The following ENTREP2 variants were observed in gnomAD, a reference collection of about 807,000 sequenced individuals.
ENTREP2 encodes the protein endosomal transmembrane epsin interactor 2, also known as protein ENTREP2.
the ENTREP2 span, among the ~76,000 whole-genome samples, chr15:29,495,350 C>A: frequency 2.6e-5 from 4 of 152,078 alleles, no homozygotes; most frequent in African/African-American, 9.7e-5. Context: ...TGTGAGTTGC[C>A]TTTACATTTC....
chr15:29,642,284 A>C, the ENTREP2 span, among the ~76,000 whole-genome samples: 1 of 152,036 alleles, frequency 6.6e-6, no homozygotes, highest in Non-Finnish European at 1.5e-5. Flanking sequence ...TGGCATAAGG[A>C]TAGATATATA....
chr15:29,627,052 T>C, the ENTREP2 span, among the ~76,000 whole-genome samples: 2 of 152,168 alleles, frequency 1.3e-5, no homozygotes, highest in African/African-American at 4.8e-5. Context: ...GGTGCTTAAT[T>C]TTTGACCTTA....
chr15:29,674,202 G>GC, the ENTREP2 span, among the ~76,000 whole-genome samples: 11 of 140,642 alleles, frequency 7.8e-5, no homozygotes, highest in East Asian at 2.3e-3. Flanking sequence ...TCAACTCCTC[G>GC]CTACCCCAGC....
the ENTREP2 span, among the ~76,000 whole-genome samples, chr15:29,347,504 T>G: frequency 2.6e-5 from 4 of 152,116 alleles, no homozygotes; most frequent in African/African-American, 9.7e-5. Flanking sequence ...TTTCATCTCT[T>G]TTCACTATTT....
chr15:29,306,482 C>A, the ENTREP2 span, among the ~76,000 whole-genome samples: 2 of 152,022 alleles, frequency 1.3e-5, no homozygotes, highest in Non-Finnish European at 2.9e-5. Flanking sequence ...TTATATGTAA[C>A]AAGTTTAGGA....
At chr15:29,447,653 A>ATTTT in the ENTREP2 span, among the ~76,000 whole-genome samples, 14 of 141,200 alleles carry the variant, frequency 9.9e-5, no homozygotes, top group South Asian at 2.3e-4. Context: ...GACCTGGCTG[A>ATTTT]TTTTTTTTTT....
chr15:29,381,378 C>A, the ENTREP2 span, among the ~76,000 whole-genome samples: 3 of 146,566 alleles, frequency 2.0e-5, no homozygotes, highest in African/African-American at 7.7e-5. Flanking sequence ...ATCATTTGAA[C>A]CTGGGAGGCA....
the ENTREP2 span, among the ~76,000 whole-genome samples, chr15:29,464,225 T>C: frequency 1.3e-5 from 2 of 150,126 alleles, no homozygotes; most frequent in Admixed American, 6.6e-5. Context: ...TTCACCATGA[T>C]ACTAAAAAAA....
the ENTREP2 span, among the ~76,000 whole-genome samples, chr15:29,613,076 T>C: frequency 7.9e-5 from 12 of 152,284 alleles, no homozygotes; most frequent in East Asian, 1.9e-4. Context: ...GAAGAGATAA[T>C]TGTCCATGCC....
At chr15:29,183,333 C>T in the ENTREP2 span, among the ~76,000 whole-genome samples, 1 of 152,170 alleles carries the variant, frequency 6.6e-6, no homozygotes, top group Non-Finnish European at 1.5e-5. Flanking sequence ...AGCAAGGCTG[C>T]CTTTTCCACT....
chr15:29,295,520 T>C, the ENTREP2 span, among the ~76,000 whole-genome samples: 1 of 152,232 alleles, frequency 6.6e-6, no homozygotes, highest in Non-Finnish European at 1.5e-5. Context: ...CTGCAGATGG[T>C]ACCAAACCCT....
At chr15:29,476,386 T>C in the ENTREP2 span, among the ~76,000 whole-genome samples, 1 of 152,204 alleles carries the variant, frequency 6.6e-6, no homozygotes, top group Admixed American at 6.5e-5. Context: ...TGACCCTTCA[T>C]TATTTTTAGG....
chr15:29,429,362 C>G, the ENTREP2 span, among the ~76,000 whole-genome samples: 1 of 152,194 alleles, frequency 6.6e-6, no homozygotes, highest in Non-Finnish European at 1.5e-5. Flanking sequence ...GCTGGGACCA[C>G]AGGCACACGC....
At chr15:29,231,829 A>C in the ENTREP2 span, among the ~76,000 whole-genome samples, 1 of 151,508 alleles carries the variant, frequency 6.6e-6, no homozygotes, top group Non-Finnish European at 1.5e-5. Flanking sequence ...AGGTCCATAA[A>C]GAGTAATTTA....
chr15:29,269,131 G>A, the ENTREP2 span: 1 of 1,614,124 alleles, frequency 6.2e-7, no homozygotes, highest in Non-Finnish European at 8.5e-7. Context: ...TTCCTTGATG[G>A]TGTTGCCCTT....
the ENTREP2 span, among the ~76,000 whole-genome samples, chr15:29,459,307 G>A: frequency 6.6e-6 from 1 of 152,184 alleles, no homozygotes; most frequent in Non-Finnish European, 1.5e-5. Context: ...ATGGCCTGTG[G>A]AGAAGTGGCA....
the ENTREP2 span, among the ~76,000 whole-genome samples, chr15:29,453,941 CAGTG>C: frequency 6.6e-6 from 1 of 152,178 alleles, no homozygotes; most frequent in African/African-American, 2.4e-5. Flanking sequence ...AGTAAAGCTT[CAGTG>C]AGTCTCTTTA....
At chr15:29,158,409 T>C in the ENTREP2 span, among the ~76,000 whole-genome samples, 182 of 145,894 alleles carry the variant, frequency 1.2e-3, 4 homozygotes, top group East Asian at 4.5e-3. Flanking sequence ...CTCTGCCTTT[T>C]TTTTTTTTTT....
At chr15:29,363,816 G>A in the ENTREP2 span, among the ~76,000 whole-genome samples, 1 of 152,140 alleles carries the variant, frequency 6.6e-6, no homozygotes, top group Non-Finnish European at 1.5e-5. Context: ...TAAAGTAAGG[G>A]CTGGTTTCTC....
Sources: gnomAD v4.1 joint callset for allele counts (sites outside exome capture counted in the v4.1 genomes callset) on GRCh38, gnomAD v4.1.1 for gene constraint, MANE v1.5 for transcripts, NCBI Gene and HGNC (gene_info 2026-07-23, HGNC 2026-07-21) for gene names.